SLC25A40: variants seen among roughly 807,000 people sequenced by gnomAD.
SLC25A40 encodes mitochondrial glutathione transporter SLC25A40.
In SLC25A40, 41 loss-of-function variants were observed where a neutral mutation model predicts 46.5. The ratio of observed to expected loss-of-function variants is 0.88; its 90% CI spans 0.69 to 1.14. SLC25A40 has a LOEUF of 1.14. Ranked by LOEUF, SLC25A40 falls within the 50% of genes most tolerant of loss-of-function variation. SLC25A40 has a pLI of 0.00. For synonymous variants in SLC25A40, 126 were observed against 127.5 expected, an observed-to-expected ratio of 0.99 and a Z score of 0.08; for missense variants, 386 against 393.6, an observed-to-expected ratio of 0.98 and a Z score of 0.16.
chr7:87,849,948 C>A lies in SLC25A40; in HGVS notation c.265G>T (p.Asp89Tyr). 1 of 1,585,360 alleles carries A rather than the reference C, an allele frequency of 6.3e-7. No homozygotes were observed. The highest frequency in any genetic ancestry group is 1.2e-5 in the South Asian group (1 of 85,946). Residue 89 changes from aspartate (D) to tyrosine (Y), a missense_variant and splice_region_variant, in exon 6 of 12, where the codon GAT becomes TAT. Coordinates refer to ENST00000341119, the MANE Select transcript of SLC25A40 (RefSeq NM_018843.4). ...KKPGNFQGTL[D>Y]AFFKIIRNEG... is the part of the protein sequence containing the mutation. ...TTTCGAATGATTTTAAAAAATGCAT[C>A]CTAAAGTTATAATAGAAAAAAAGTA...
chr7:87,847,443 C>T (rs1171250230), intron 7 of SLC25A40, among the ~76,000 whole-genome samples: 4 of 152,148 alleles, frequency 2.6e-5, no homozygotes, highest in African/African-American at 9.7e-5. Context: ...CAATAAATCC[C>T]ACTCCCATTT....
chr7:87,855,503 T>C (rs1270606877), intron 4 of SLC25A40, among the ~76,000 whole-genome samples: 1 of 152,214 alleles, frequency 6.6e-6, no homozygotes, highest in East Asian at 1.9e-4. Flanking sequence ...GTTGCCAAAA[T>C]TGTCTTCTCT....
intron 1 of SLC25A40, among the ~76,000 whole-genome samples, chr7:87,869,300 CA>C (rs1169806703): frequency 6.6e-6 from 1 of 152,048 alleles, no homozygotes; most frequent in East Asian, 1.9e-4. Flanking sequence ...CCGAGTGAGG[CA>C]AACTGCTTGA....
At chr7:87,854,685 G>A (rs986379682) in intron 4 of SLC25A40, among the ~76,000 whole-genome samples, 10 of 151,816 alleles carry the variant, frequency 6.6e-5, no homozygotes, top group South Asian at 4.1e-4. Context: ...GGTGGCGGGC[G>A]CCTGTAGTCC....
chr7:87,839,678 C>A (rs549091234), intron 10 of SLC25A40, among the ~76,000 whole-genome samples: 126 of 151,816 alleles, frequency 8.3e-4, no homozygotes, highest in African/African-American at 3.0e-3. Context: ...AGCCTCTCTT[C>A]CAGTAGATTA....
intron 10 of SLC25A40, among the ~76,000 whole-genome samples, chr7:87,839,426 G>GTT (rs68001577): frequency 6.9e-6 from 1 of 144,394 alleles, no homozygotes; most frequent in Non-Finnish European, 1.5e-5. Context: ...CTTGAGTAGT[G>GTT]TTTTTTTTTT....
At position 87,836,925 on chromosome 7, in the gene SLC25A40, G is replaced by C. The variant is rs1838265048; in HGVS notation, c.824-115C>G. On this transcript the variant is annotated intron_variant, in intron 10 of 11. Coordinates refer to ENST00000341119, the MANE Select transcript of SLC25A40 (RefSeq NM_018843.4). ...ATATATCATTTCTTTACCATAAGAA[G>C]AGGTTTGTTTACCTAAAAAGCTACT... 8 of 537,614 alleles carry C rather than the reference G, an allele frequency of 1.5e-5. No individual in the cohort carries two copies. In the South Asian group the frequency reaches 3.5e-4, roughly 24 times the overall value. The allele number at this position is 537,614 out of a possible 1,614,324, so 33.3% of individuals were successfully genotyped here.
chr7:87,874,227 A>G (rs1838939338), intron 1 of SLC25A40, among the ~76,000 whole-genome samples: 1 of 152,232 alleles, frequency 6.6e-6, no homozygotes. Flanking sequence ...GGGTGAGTCT[A>G]ACCGCATAGG....
chr7:87,855,878 T>C (rs1172574204), intron 4 of SLC25A40, among the ~76,000 whole-genome samples: 1 of 152,200 alleles, frequency 6.6e-6, no homozygotes, highest in East Asian at 1.9e-4. Context: ...CATAAACTAC[T>C]ATCCAGAAAT....
At chr7:87,845,927 G>C (rs1372426808) in intron 8 of SLC25A40, among the ~76,000 whole-genome samples, 2 of 152,076 alleles carry the variant, frequency 1.3e-5, no homozygotes, top group African/African-American at 4.8e-5. Context: ...TTGGAAAAGA[G>C]TTCTATATTA....
intron 5 of SLC25A40, among the ~76,000 whole-genome samples, chr7:87,852,899 T>C (rs1436202680): frequency 6.6e-6 from 1 of 152,158 alleles, no homozygotes; most frequent in East Asian, 1.9e-4. Context: ...AAATAAAATT[T>C]TTATGAAAAA....
At chr7:87,846,531 G>T (rs1838423473) in intron 8 of SLC25A40, among the ~76,000 whole-genome samples, 1 of 152,030 alleles carries the variant, frequency 6.6e-6, no homozygotes, top group Non-Finnish European at 1.5e-5. Flanking sequence ...CATTTAATGG[G>T]GAGATGTTTA....
rs759039048 is a variant in SLC25A40, at chr7:87,847,858, G to A, written c.452C>T (p.Ala151Val). 16 of 1,605,784 alleles carry A rather than the reference G, an allele frequency of 1.0e-5. No homozygotes were observed. Among genetic ancestry groups the A allele is most frequent in the Non-Finnish European group, 8.5e-7 (1 of 1,177,588 alleles). ...TCIPIVAGIV[A>V]RFGAVTVISP... ...AATAAAGATTTATTACTCACATCTG[G>A]CTACAATTCCAGCAACAATTGGTAT... The change falls in exon 7 of 12, where the codon GCC becomes GTC. Residue 151 changes from alanine (A) to valine (V), a missense_variant. By Grantham distance (64) the Ala-to-Val change is moderately conservative (BLOSUM62 0). Transcript: ENST00000341119.
intron 1 of SLC25A40, among the ~76,000 whole-genome samples, chr7:87,874,230 C>T (rs1838939399): frequency 6.6e-6 from 1 of 152,164 alleles, no homozygotes; most frequent in Non-Finnish European, 1.5e-5. Context: ...TGAGTCTAAC[C>T]GCATAGGGTG....
intron 5 of SLC25A40, among the ~76,000 whole-genome samples, chr7:87,852,769 G>A (rs770405473): frequency 1.6e-4 from 24 of 152,086 alleles, no homozygotes; most frequent in Admixed American, 3.3e-4. Context: ...GCAACTCAAT[G>A]GAGGAAATTA....
chr7:87,847,196 T>A, intron 7 of SLC25A40, 74 bp from the exon 8 acceptor site: 1 of 1,109,794 alleles, frequency 9.0e-7, no homozygotes, highest in Non-Finnish European at 1.2e-6. Context: ...ACTGTAAAAA[T>A]TAATATTCAC....
chr7:87,875,547 ATTT>A (rs544988228), intron 1 of SLC25A40, among the ~76,000 whole-genome samples: 1,583 of 143,570 alleles, frequency 0.011, 34 homozygotes, highest in African/African-American at 0.038. Context: ...GAAGAAACAG[ATTT>A]TTTTTTTTTT....
rs529023448 is a variant in SLC25A40, at chr7:87,853,924, T to G, written c.264+280A>C. Among the ~76,000 whole-genome samples the G allele has an allele frequency of 3.7e-4, 57 of 152,260 alleles. 1 individual carries two copies. In the East Asian group the frequency reaches 0.011, roughly 28 times the overall value. ...TATTAGTTTTGTAAGATGGTACCAC[T>G]GGGGGAAACTAAGAAAAGGGTACAT... is the stretch of plus-strand genomic sequence containing the variant. On this transcript the variant is annotated intron_variant, in intron 5 of 11. Coordinates refer to ENST00000341119, the MANE Select transcript of SLC25A40 (RefSeq NM_018843.4).
At chr7:87,874,049 A>T (rs1165904666) in intron 1 of SLC25A40, among the ~76,000 whole-genome samples, 1 of 152,222 alleles carries the variant, frequency 6.6e-6, no homozygotes, top group Non-Finnish European at 1.5e-5. Flanking sequence ...GGAGGTTTCT[A>T]TCCTTACTGA....
Sources: allele counts gnomAD v4.1 joint callset (sites outside exome capture counted in the v4.1 genomes callset), GRCh38; gene constraint gnomAD v4.1.1; transcripts MANE v1.5; gene names NCBI Gene and HGNC (gene_info 2026-07-23, HGNC 2026-07-21).